DCAF6: variants seen among roughly 807,000 people sequenced by gnomAD.
DCAF6 encodes DDB1- and CUL4-associated factor 6.
DCAF6 carries 54 observed loss-of-function variants against 125.1 expected under a neutral mutation model. The observed-to-expected ratio is 0.43, with a 90% CI of 0.35 to 0.54. The LOEUF is 0.54. Among genes scored for constraint, DCAF6 ranks in the 20% least tolerant of loss-of-function variants. The pLI, the probability that DCAF6 is intolerant of heterozygous loss-of-function variation, is 0.01. For synonymous variants in DCAF6, 371 were observed against 390.4 expected, an observed-to-expected ratio of 0.95 and a Z score of 0.58; for missense variants, 934 against 1,161.7, an observed-to-expected ratio of 0.80 and a Z score of 2.85.
At chr1:167,918,180 T>C in the DCAF6 span, 1 of 592,394 alleles carries the variant, frequency 1.7e-6, no homozygotes, top group Non-Finnish European at 2.9e-6. Flanking sequence ...GTTTGCTGCA[T>C]TTTTCTATTG....
chr1:167,948,300 A>G (rs1009562247), intron 1 of DCAF6, among the ~76,000 whole-genome samples: 1 of 151,950 alleles, frequency 6.6e-6, no homozygotes, highest in African/African-American at 2.4e-5. Flanking sequence ...CTGGATCTCT[A>G]AATCTCTTAA....
the DCAF6 span, chr1:167,903,863 C>A: frequency 1.3e-6 from 2 of 1,541,174 alleles, no homozygotes; most frequent in Non-Finnish European, 1.8e-6. Flanking sequence ...TATTCTCAAG[C>A]CAGAAACCTA....
chr1:168,026,225 A>G (rs536546755), intron 12 of DCAF6, among the ~76,000 whole-genome samples: 1 of 152,184 alleles, frequency 6.6e-6, no homozygotes, highest in Non-Finnish European at 1.5e-5. Flanking sequence ...ACCTTTTTGC[A>G]TATTCTCTAA....
At chr1:167,903,176 A>G in the DCAF6 span, among the ~76,000 whole-genome samples, 1 of 152,168 alleles carries the variant, frequency 6.6e-6, no homozygotes, top group African/African-American at 2.4e-5. Context: ...GAATCGCTTG[A>G]ACCTGGGAGG....
chr1:168,046,335 G>A (rs750611972), intron 16 of DCAF6, among the ~76,000 whole-genome samples: 2 of 152,028 alleles, frequency 1.3e-5, no homozygotes, highest in Non-Finnish European at 2.9e-5. Flanking sequence ...TAGTCTATGA[G>A]GCCACTTTAA....
chr1:168,068,501 ATTTG>A, intron 21 of DCAF6, 38 bp downstream of exon 21: 2 of 1,028,954 alleles, frequency 1.9e-6, no homozygotes, highest in Non-Finnish European at 2.6e-6. Context: ...CCATTTTTAT[ATTTG>A]AAAATATATT....
chr1:168,052,346 T>C (rs1690047257), intron 17 of DCAF6, among the ~76,000 whole-genome samples: 1 of 152,240 alleles, frequency 6.6e-6, no homozygotes, highest in Non-Finnish European at 1.5e-5. Flanking sequence ...AATTGAGTTT[T>C]AGAAAAGCTG....
chr1:167,896,919 G>A, the DCAF6 span, among the ~76,000 whole-genome samples: 1 of 152,266 alleles, frequency 6.6e-6, no homozygotes, highest in African/African-American at 2.4e-5. Context: ...TGTACAGAGA[G>A]GGTCATTCCA....
intron 12 of DCAF6, among the ~76,000 whole-genome samples, chr1:168,030,311 A>C (rs1479493224): frequency 6.6e-6 from 1 of 152,260 alleles, no homozygotes; most frequent in Non-Finnish European, 1.5e-5. Flanking sequence ...GCATGAGTAA[A>C]GGGAAGCATG....
chr1:167,944,089 G>A (rs144598517), intron 1 of DCAF6, among the ~76,000 whole-genome samples: 5,019 of 152,166 alleles, frequency 0.033, 293 homozygotes, highest in African/African-American at 0.11. Flanking sequence ...TGATCTGCCC[G>A]CCTCGGCCTC....
At chr1:167,985,211 G>GTGTGGT (rs766572428) in intron 4 of DCAF6, among the ~76,000 whole-genome samples, 7 of 134,324 alleles carry the variant, frequency 5.2e-5, no homozygotes, top group Non-Finnish European at 8.1e-5. Flanking sequence ...GTGTGTGTGT[G>GTGTGGT]GTGTGTGTGT....
chr1:167,952,039 A>G (rs1021391592), intron 2 of DCAF6, among the ~76,000 whole-genome samples, 178 bp downstream of exon 2: 3 of 152,184 alleles, frequency 2.0e-5, no homozygotes, highest in Admixed American at 2.0e-4. Flanking sequence ...AAGATTTTTT[A>G]AAGTGCAGAT....
At chr1:167,917,546 C>G in the DCAF6 span, 1 of 145,260 alleles carries the variant, frequency 6.9e-6, no homozygotes, top group South Asian at 2.1e-4. Context: ...TGCAGTGAGC[C>G]GAGATTGTGC....
intron 1 of DCAF6, among the ~76,000 whole-genome samples, chr1:167,940,115 C>T (rs757855464): frequency 1.3e-5 from 2 of 152,170 alleles, no homozygotes; most frequent in Non-Finnish European, 2.9e-5. Context: ...TTTACTTAAA[C>T]TGATTAATTA....
chr1:167,892,237 G>T, the DCAF6 span, among the ~76,000 whole-genome samples: 2 of 152,310 alleles, frequency 1.3e-5, no homozygotes, highest in African/African-American at 2.4e-5. Context: ...TTCCCAAAGT[G>T]CTGGGATTAC....
chr1:167,952,985 A>G (rs905005802), intron 2 of DCAF6, among the ~76,000 whole-genome samples: 2 of 152,060 alleles, frequency 1.3e-5, no homozygotes, highest in East Asian at 1.9e-4. Flanking sequence ...CTGAAGATCC[A>G]CCTTGCTGAA....
the DCAF6 span, among the ~76,000 whole-genome samples, chr1:167,863,752 G>T: frequency 6.6e-6 from 1 of 152,278 alleles, no homozygotes; most frequent in Non-Finnish European, 1.5e-5. Flanking sequence ...CGCCAGAGCA[G>T]TGTGTGGCAG....
chr1:168,050,042 A>G lies in DCAF6; in HGVS notation c.2259-850A>G, dbSNP rs1689702677. Among the ~76,000 whole-genome samples the G allele has an allele frequency of 2.1e-5, 3 of 143,980 alleles. No individual in the cohort carries two copies. In the Admixed American group the frequency reaches 2.2e-4, roughly 10 times the overall value. The allele number at this position is 143,980 out of a possible 152,430, so 94.5% of individuals were successfully genotyped here. A position where few individuals can be genotyped will look rare whatever the true frequency, so the allele number is the denominator to read the frequency against. ...GGTAGCTCTTACTGTTTCTAAACTC[A>G]AGAGAAAACCTAAATTACTCTCTGA... On this transcript the variant is annotated intron_variant, in intron 16 of 21. Coordinates refer to ENST00000367840, the MANE Select transcript of DCAF6 (RefSeq NM_001198956.2).
intron 1 of DCAF6, among the ~76,000 whole-genome samples, chr1:167,950,228 A>G (rs879751012): frequency 3.9e-5 from 6 of 152,210 alleles, no homozygotes; most frequent in Admixed American, 6.5e-5. Context: ...CATATTGTTA[A>G]TTTGAATACT....
Sources: gnomAD v4.1 joint callset for allele counts (sites outside exome capture counted in the v4.1 genomes callset) on GRCh38, gnomAD v4.1.1 for gene constraint, MANE v1.5 for transcripts, NCBI Gene and HGNC (gene_info 2026-07-23, HGNC 2026-07-21) for gene names.